ANK2: variants seen among roughly 807,000 people sequenced by gnomAD.
The protein encoded by ANK2 is ankyrin 2, also known as ankyrin-2.
In ANK2, 83 loss-of-function variants were observed where a neutral mutation model predicts 360.5. The ratio of observed to expected loss-of-function variants is 0.23; its 90% confidence interval spans 0.19 to 0.28. The LOEUF is 0.28. ANK2 is among the 10% of genes least tolerant of loss of function. The pLI, the probability that ANK2 is intolerant of heterozygous loss-of-function variation, is 1.00. For synonymous variants in ANK2, 1,740 were observed against 1,759.5 expected (o/e 0.99, Z 0.28); for missense variants, 4,201 against 4,795.7 (o/e 0.88, Z 3.66).
chr4:112,923,685 A>G (rs993625293), intron 2 of ANK2, among the ~76,000 whole-genome samples: 4 of 152,192 alleles, frequency 2.6e-5, no homozygotes, highest in Non-Finnish European at 5.9e-5. Flanking sequence ...CAAAATGGGA[A>G]CTAAAATATT....
chr4:113,344,444 G>A (rs543790058), intron 34 of ANK2, among the ~76,000 whole-genome samples: 1 of 152,208 alleles, frequency 6.6e-6, no homozygotes, highest in Admixed American at 6.5e-5. Context: ...CATTGCTGGT[G>A]GAAATGCAAA....
At position 113,058,135 on chromosome 4, in the gene ANK2, C is replaced by T. The variant is rs542346388; in HGVS notation, c.84+8323C>T. Among the ~76,000 whole-genome samples, 71 of 152,230 alleles carry T rather than the reference C, an allele frequency of 4.7e-4. 1 individual carries two copies. Among genetic ancestry groups the T allele is most frequent in the Admixed American group, 1.6e-3 (24 of 15,282 alleles). On this transcript the variant is annotated intron_variant, in intron 1 of 45. Transcript: ENST00000357077. ...TGACCAACCATTTCACTTCTGGCCACCTTTCACATCCTACTTACAAAATAA... is the reference window on the plus strand; with the variant it reads ...TGACCAACCATTTCACTTCTGGCCATCTTTCACATCCTACTTACAAAATAA...
At chr4:113,219,781 T>C (rs1250280645) in intron 4 of ANK2, among the ~76,000 whole-genome samples, 2 of 152,218 alleles carry the variant, frequency 1.3e-5, no homozygotes, top group East Asian at 3.8e-4. Context: ...ACGTGTTTTA[T>C]GATACTCTTC....
chr4:113,373,502 G>A lies in ANK2; in HGVS notation c.11859+53G>A, dbSNP rs890947371. The A allele has an allele frequency of 3.8e-6, 6 of 1,569,384 alleles. No homozygotes were observed. In the South Asian group the frequency reaches 4.4e-5, roughly 12 times the overall value. On this transcript the variant is annotated intron_variant, in intron 45 of 45. Transcript: ENST00000357077. The stretch of plus-strand genomic sequence containing the variant: ...ATTTGATGGAGAGGAACAAAATAGA[G>A]CTCAAGAAAGATGAGTGAGATTGTT...
At chr4:113,150,651 T>C (rs189915451) in intron 1 of ANK2, among the ~76,000 whole-genome samples, 13 of 152,262 alleles carry the variant, frequency 8.5e-5, no homozygotes, top group Middle Eastern at 3.4e-3. Context: ...CAGGGGATTA[T>C]AGAGTACTTC....
chr4:113,241,793 G>A (rs1205968297), intron 8 of ANK2, among the ~76,000 whole-genome samples: 2 of 152,096 alleles, frequency 1.3e-5, no homozygotes, highest in African/African-American at 4.8e-5. Flanking sequence ...CCCTATCTTA[G>A]GTAGATTTAA....
At chr4:112,800,489 G>A in the ANK2 span, among the ~76,000 whole-genome samples, 2 of 152,122 alleles carry the variant, frequency 1.3e-5, no homozygotes, top group African/African-American at 2.4e-5. Context: ...AGTGAAATAA[G>A]TCCTAATAGC....
chr4:113,295,712 T>G (rs1435148101), intron 22 of ANK2, among the ~76,000 whole-genome samples: 2 of 152,192 alleles, frequency 1.3e-5, no homozygotes, highest in African/African-American at 2.4e-5. Context: ...ATTTCTCCTT[T>G]CAGTTAGGAC....
At chr4:113,123,125 C>G (rs2095468048) in intron 1 of ANK2, among the ~76,000 whole-genome samples, 1 of 151,772 alleles carries the variant, frequency 6.6e-6, no homozygotes, top group African/African-American at 2.4e-5. Flanking sequence ...TTTTTGGAAT[C>G]TAAAATCTTA....
intron 1 of ANK2, among the ~76,000 whole-genome samples, chr4:113,173,148 G>A (rs2098053233): frequency 6.6e-6 from 1 of 152,150 alleles, no homozygotes; most frequent in Non-Finnish European, 1.5e-5. Context: ...AAACATATAA[G>A]CCACTTGGTA....
Position 112,976,934 on chromosome 4 carries a change from T to C in ANK2, c.21+72420T>C, listed in dbSNP as rs74880361. ...GTGACCTCACTTATCTTTGCATCCC[T>C]AGCATCTAGCGCTGGGGTTTGTCAG... On this transcript the variant is annotated intron_variant, in intron 2 of 30. Coordinates refer to the ANK2 transcript ENST00000503271. Among the ~76,000 whole-genome samples the C allele has an allele frequency of 2.7e-3, 404 of 152,336 alleles. 2 individuals are homozygous for C. Among genetic ancestry groups the C allele is most frequent in the African/African-American group, 8.8e-3 (366 of 41,592 alleles).
intron 2 of ANK2, among the ~76,000 whole-genome samples, chr4:112,936,349 CT>C (rs569695925): frequency 0.032 from 4,619 of 143,574 alleles, 80 homozygotes; most frequent in South Asian, 0.056. Context: ...AATCATTATC[CT>C]TTTTTTTTTT....
intron 22 of ANK2, among the ~76,000 whole-genome samples, chr4:113,298,585 C>A (rs539864440): frequency 6.6e-6 from 1 of 152,168 alleles, no homozygotes; most frequent in African/African-American, 2.4e-5. Context: ...TTTTTCATAT[C>A]GTGATTAACA....
intron 4 of ANK2, among the ~76,000 whole-genome samples, chr4:113,227,791 T>A (rs1194992371): frequency 6.6e-6 from 1 of 152,202 alleles, no homozygotes. Context: ...TCAGTTTGAA[T>A]GAGGATAATA....
intron 1 of ANK2, among the ~76,000 whole-genome samples, chr4:113,084,053 C>G (rs313971): frequency 0.6 from 91,111 of 152,066 alleles, 28,524 homozygotes; most frequent in African/African-American, 0.79. Flanking sequence ...TGTGTTTACA[C>G]GGTCATCTTG....
Position 113,332,901 on chromosome 4 carries a change from C to A in ANK2, c.3225-153C>A, listed in dbSNP as rs529972705. 20 of 1,047,314 alleles carry A rather than the reference C, an allele frequency of 1.9e-5. No individual in the cohort carries two copies. The South Asian group carries it at 1.9e-4, about 10-fold the overall frequency. 64.9% of individuals were successfully genotyped at this position (1,047,314 alleles called of 1,614,324 possible). A position where few individuals can be genotyped will look rare whatever the true frequency, so the allele number is the denominator to read the frequency against. ...CTGAGGTGGAGTGCTACTGTGTGAC[C>A]ATCTGCTAGCCAGTGGGCTCCAGGG... is the stretch of plus-strand genomic sequence containing the variant. On this transcript the variant is annotated intron_variant, in intron 28 of 45. Transcript: ENST00000357077.
At chr4:113,074,211 A>G (rs13149330) in intron 1 of ANK2, among the ~76,000 whole-genome samples, 54,304 of 152,102 alleles carry the variant, frequency 0.36, 11,895 homozygotes, top group Non-Finnish European at 0.48. Flanking sequence ...TTTAATGTTC[A>G]ACTTGATGTG....
At chr4:112,916,737 G>T (rs1026772919) in intron 2 of ANK2, among the ~76,000 whole-genome samples, 3 of 152,208 alleles carry the variant, frequency 2.0e-5, no homozygotes, top group Admixed American at 6.5e-5. Context: ...ATACACATTT[G>T]TCAGATAAAT....
At chr4:112,770,712 A>C in the ANK2 span, among the ~76,000 whole-genome samples, 1 of 45,242 alleles carries the variant, frequency 2.2e-5, no homozygotes, top group Non-Finnish European at 4.3e-5. Context: ...TCTCTCTCTC[A>C]AAAAAAAAAA....
Sources: allele counts gnomAD v4.1 joint callset (sites outside exome capture counted in the v4.1 genomes callset), GRCh38; gene constraint gnomAD v4.1.1; transcripts MANE v1.5; gene names NCBI Gene and HGNC (gene_info 2026-07-23, HGNC 2026-07-21).